CCDC18: variants seen among roughly 807,000 people sequenced by gnomAD.
CCDC18 encodes coiled-coil domain containing 18, also known as coiled-coil domain-containing protein 18.
A neutral mutation model predicts 196.0 loss-of-function variants in CCDC18; 157 were observed. The observed-to-expected ratio is 0.80, with a 90% CI of 0.70 to 0.91. The LOEUF (loss-of-function observed/expected upper bound fraction) is 0.91, where lower values mean the gene tolerates loss of function less well. CCDC18 is among the 40% of genes least tolerant of loss of function. CCDC18 has a pLI of 0.00. For missense variants in CCDC18, 1,465 were observed against 1,611.6 expected, an observed-to-expected ratio of 0.91 and a Z score of 1.56; for synonymous variants, 482 against 529.2, an observed-to-expected ratio of 0.91 and a Z score of 1.22.
intron 3 of CCDC18, among the ~76,000 whole-genome samples, chr1:93,185,197 G>A (rs971908468): frequency 2.0e-5 from 3 of 151,948 alleles, no homozygotes; most frequent in Admixed American, 1.3e-4. Context: ...CTTACCTATA[G>A]AATTATTAAA....
At chr1:93,226,240 G>T in intron 16 of CCDC18, 93 bp from the exon 17 acceptor site, 1 of 610,994 alleles carries the variant, frequency 1.6e-6, no homozygotes, top group Non-Finnish European at 3.0e-6. Flanking sequence ...TTCACTATTT[G>T]AAGCAGTCAG....
intron 28 of CCDC18, among the ~76,000 whole-genome samples, chr1:93,277,670 A>G (rs1275763232): frequency 1.3e-5 from 2 of 151,620 alleles, no homozygotes; most frequent in Non-Finnish European, 2.9e-5. Context: ...TTCTTAGTAC[A>G]TAACAAAATG....
At chr1:93,208,812 C>T (rs756367343) in intron 9 of CCDC18, among the ~76,000 whole-genome samples, 4 of 151,942 alleles carry the variant, frequency 2.6e-5, no homozygotes, top group Admixed American at 2.0e-4. Flanking sequence ...AACTATAGCA[C>T]GCACCACCAT....
chr1:93,221,830 C>T, intron 15 of CCDC18, 29 bp from the exon 16 acceptor site: 1 of 1,580,524 alleles, frequency 6.3e-7, no homozygotes, highest in Non-Finnish European at 8.6e-7. Flanking sequence ...ATCAAATCTG[C>T]ATACTTATAC....
intron 19 of CCDC18, among the ~76,000 whole-genome samples, chr1:93,237,223 AG>A (rs1660180823): frequency 6.6e-6 from 1 of 152,172 alleles, no homozygotes; most frequent in Non-Finnish European, 1.5e-5. Flanking sequence ...TTTAAGACTA[AG>A]ACCAAAGTAT....
At chr1:93,274,800 A>G (rs942945855) in intron 28 of CCDC18, among the ~76,000 whole-genome samples, 1 of 152,204 alleles carries the variant, frequency 6.6e-6, no homozygotes, top group Non-Finnish European at 1.5e-5. Flanking sequence ...AGCTATTATC[A>G]TGCAATGCAG....
chr1:93,220,282 C>G (rs189196277), intron 14 of CCDC18, among the ~76,000 whole-genome samples: 1 of 151,908 alleles, frequency 6.6e-6, no homozygotes, highest in African/African-American at 2.4e-5. Context: ...TTATATCCAA[C>G]AAAAATACTC....
intron 28 of CCDC18, among the ~76,000 whole-genome samples, chr1:93,274,402 T>TAAAG (rs1665518444): frequency 6.6e-6 from 1 of 151,818 alleles, no homozygotes; most frequent in Non-Finnish European, 1.5e-5. Flanking sequence ...ACTCCATCTC[T>TAAAG]AAATAAATAA....
At chr1:93,180,620 C>T (rs764043557), upstream of CCDC18, 3 of 1,340,930 alleles carry the variant, frequency 2.2e-6, no homozygotes, top group South Asian at 2.4e-5. Context: ...GCGCGCTCGC[C>T]GACCACGATC....
In CCDC18 at chr1:93,239,293, T is replaced by C. The variant is rs1660453523; in HGVS notation, c.2604-17T>C. 6.6e-7 allele frequency: 1 copy of C among 1,507,004 alleles called. No homozygotes were observed. The highest frequency in any genetic ancestry group is 8.9e-7 in the Non-Finnish European group (1 of 1,124,864). 93.4% of individuals were successfully genotyped at this position (1,507,004 alleles called of 1,614,324 possible). On this transcript the variant is annotated splice_polypyrimidine_tract_variant and intron_variant, in intron 19 of 28. Transcript: ENST00000690025. ...TAAGTTTCTAAATTACCTGTTTTAT[T>C]ATTTGTTTTTAATTAGGCAAGTAAA... is the stretch of plus-strand genomic sequence containing the variant.
Position 93,184,058 on chromosome 1 carries a change from A to C in CCDC18, c.215A>C (p.His72Pro). 1.9e-6 allele frequency: 3 copies of C among 1,592,338 alleles called. No homozygotes were observed. Among genetic ancestry groups the C allele is most frequent in the Non-Finnish European group, 2.6e-6 (3 of 1,166,324 alleles). Residue 72 changes from histidine (H) to proline (P), a missense_variant, in exon 3 of 29, where the codon CAC (histidine) becomes CCC (proline). By Grantham distance (77) the His-to-Pro change is moderately conservative (BLOSUM62 -2). Transcript: ENST00000690025. ...EKLILDVQPS[H>P]PGLLNYSPYE... ...CTAATTTTGGATGTTCAGCCTAGCC[A>C]CCCTGGACTTTTGAATTATTCACCT... is the stretch of plus-strand genomic sequence containing the variant.
intron 21 of CCDC18, among the ~76,000 whole-genome samples, chr1:93,243,882 A>G (rs1480774887): frequency 2.0e-5 from 3 of 152,306 alleles, no homozygotes; most frequent in African/African-American, 7.2e-5. Context: ...GTCTCTAGGA[A>G]GTTCCAAATT....
upstream of CCDC18, chr1:93,180,561 G>A (rs1197222855): frequency 6.9e-7 from 1 of 1,452,610 alleles, no homozygotes; most frequent in Non-Finnish European, 9.2e-7. Flanking sequence ...GCATCATGGC[G>A]GTAATTGTGG....
intron 7 of CCDC18, among the ~76,000 whole-genome samples, chr1:93,205,235 G>A (rs952047334): frequency 6.6e-6 from 1 of 152,070 alleles, no homozygotes; most frequent in Non-Finnish European, 1.5e-5. Flanking sequence ...TTAGTAACTC[G>A]GACGCAGCAG....
At chr1:93,228,678 C>T (rs1570462576) in intron 17 of CCDC18, among the ~76,000 whole-genome samples, 2 of 146,204 alleles carry the variant, frequency 1.4e-5, no homozygotes, top group South Asian at 2.2e-4. Flanking sequence ...TAGGAATGTC[C>T]TTTTTTTTTT....
intron 25 of CCDC18, among the ~76,000 whole-genome samples, chr1:93,256,859 G>C (rs958114078): frequency 1.3e-5 from 2 of 152,030 alleles, no homozygotes; most frequent in Non-Finnish European, 2.9e-5. Context: ...AAGTGAGTTC[G>C]AGCTCTTACT....
chr1:93,204,205 T>C (rs1189473884), intron 7 of CCDC18, among the ~76,000 whole-genome samples: 1 of 152,038 alleles, frequency 6.6e-6, no homozygotes, highest in African/African-American at 2.4e-5. Flanking sequence ...CTGAATGATA[T>C]GCAAGATGAT....
At chr1:93,263,643 A>C (rs1664108413) in intron 26 of CCDC18, among the ~76,000 whole-genome samples, 2 of 152,184 alleles carry the variant, frequency 1.3e-5, no homozygotes, top group African/African-American at 4.8e-5. Context: ...TTTTAGTCAA[A>C]ACCATTTGAC....
At chr1:93,261,358 C>T (rs1216904635) in intron 26 of CCDC18, among the ~76,000 whole-genome samples, 4 of 151,514 alleles carry the variant, frequency 2.6e-5, no homozygotes, top group Admixed American at 1.3e-4. Flanking sequence ...TATTTTTGAA[C>T]GTTAATAATT....
Sources: gnomAD v4.1 joint callset for allele counts (sites outside exome capture counted in the v4.1 genomes callset) on GRCh38, gnomAD v4.1.1 for gene constraint, MANE v1.5 for transcripts, NCBI Gene and HGNC (gene_info 2026-07-23, HGNC 2026-07-21) for gene names.